INTS2: variants seen among roughly 807,000 people sequenced by gnomAD.
The protein encoded by INTS2 is KIAA1287.
Under a neutral mutation model 139.6 loss-of-function variants are expected in INTS2, and 57 were observed. The ratio of observed to expected loss-of-function variants is 0.41; its 90% CI spans 0.33 to 0.51. The LOEUF is 0.51. Ranked by LOEUF, INTS2 falls within the 20% of genes least tolerant of loss-of-function variation. The pLI, the probability that INTS2 is intolerant of heterozygous loss-of-function variation, is 0.28. For synonymous variants in INTS2, 473 were observed against 493.4 expected, an observed-to-expected ratio of 0.96 and a Z score of 0.55; for missense variants, 1,196 against 1,436.7, an observed-to-expected ratio of 0.83 and a Z score of 2.71.
rs1431288053 is a variant in INTS2, at chr17:61,911,997, G to A, written c.723C>T (p.Ala241=). Residue 241 remains alanine, a synonymous_variant, in exon 6 of 25, where the codon GCC becomes GCT. Transcript: ENST00000251334. ...ESLGGRRRTD[A]LRFLCKMNPS... is the part of the protein sequence containing the mutation. ...GATTCATTTTACACAAGAAGCGTAA[G>A]GCATCTGTCCTGCGCCTTCCTCCAA... 4 of 1,613,810 alleles carry A rather than the reference G, an allele frequency of 2.5e-6. No individual in the cohort carries two copies. Among genetic ancestry groups the A allele is most frequent in the Non-Finnish European group, 3.4e-6 (4 of 1,179,802 alleles).
Position 61,924,546 on chromosome 17 carries a change from C to T in INTS2, c.432+415G>A, listed in dbSNP as rs58085921. 0.03 allele frequency among the ~76,000 whole-genome samples: 4,502 copies of T among 152,260 alleles called. 702 individuals carry two copies. The East Asian group carries it at 0.5, about 17-fold the overall frequency. ...AAATAAAAGTAGAGAAGGCCGGGCACGGTGACCCATGCCTGTAATCCCAAC... is the reference window on the plus strand; with the variant it reads ...AAATAAAAGTAGAGAAGGCCGGGCATGGTGACCCATGCCTGTAATCCCAAC... On this transcript the variant is annotated intron_variant, in intron 3 of 24. Transcript: ENST00000251334.
intron 5 of INTS2, among the ~76,000 whole-genome samples, chr17:61,914,517 G>A (rs2079558165): frequency 6.6e-6 from 1 of 152,102 alleles, no homozygotes; most frequent in African/African-American, 2.4e-5. Context: ...GGCTAACACG[G>A]TGAAACCGTG....
At position 61,875,051 on chromosome 17, in the gene INTS2, TA is replaced by T; in HGVS notation, c.2457-14del. ...CATTACCCATAGCCTGATAAGAAAA[TA>T]ATCACATGTTCAAAACAGTTTTTTA... On this transcript the variant is annotated splice_polypyrimidine_tract_variant and intron_variant, in intron 18 of 24. Transcript: ENST00000251334. The surrounding 1 kb of genome is among the most constrained non-coding windows in gnomAD (Gnocchi z 4.6). 1.3e-6 allele frequency: 2 copies of T among 1,568,084 alleles called. No individual in the cohort carries two copies. Among genetic ancestry groups the T allele is most frequent in the Non-Finnish European group, 1.7e-6 (2 of 1,157,010 alleles).
intron 3 of INTS2, 60 bp downstream of exon 3, chr17:61,924,901 C>T: frequency 6.6e-7 from 1 of 1,524,956 alleles, no homozygotes; most frequent in African/African-American, 1.4e-5. Flanking sequence ...TTTCTGTCTA[C>T]CTCCCTATAC....
Position 61,869,406 on chromosome 17 carries a change from A to G in INTS2, c.3031-26T>C. The G allele has an allele frequency of 2.2e-6, 3 of 1,388,946 alleles. No individual in the cohort carries two copies. The highest frequency in any genetic ancestry group is 3.0e-6 in the Non-Finnish European group (3 of 1,001,552). 86.0% of individuals were successfully genotyped at this position (1,388,946 alleles called of 1,614,324 possible). ...CTATCTCAACAAGAAACGGGAAAAA[A>G]GTCAGAAATAAAATAACTATAAAAG... On this transcript the variant is annotated intron_variant, in intron 21 of 24. Transcript: ENST00000251334. The surrounding 1 kb of genome is among the most constrained non-coding windows in gnomAD (Gnocchi z 5.4).
chr17:61,873,748 G>A lies in INTS2; in HGVS notation c.2582+1165C>T, dbSNP rs1323274855. Among the ~76,000 whole-genome samples, 2 of 152,140 alleles carry A rather than the reference G, an allele frequency of 1.3e-5. No homozygotes were observed. Among genetic ancestry groups the A allele is most frequent in the Non-Finnish European group, 2.9e-5 (2 of 68,002 alleles). On this transcript the variant is annotated intron_variant, in intron 19 of 24. Coordinates refer to ENST00000251334, the MANE Select transcript of INTS2 (RefSeq NM_001351695.2). This position sits in a 1 kb window ranked among gnomAD's most constrained non-coding sequence, Gnocchi z 4.0. ...GAATGTCATCCCTTGGTTGATGACAGACAAGTTTAAATATCAAGTGTGTCC... is the reference window on the plus strand; with the variant it reads ...GAATGTCATCCCTTGGTTGATGACAAACAAGTTTAAATATCAAGTGTGTCC...
At chr17:61,884,187 A>G (rs1370325774) in intron 16 of INTS2, among the ~76,000 whole-genome samples, 1 of 152,090 alleles carries the variant, frequency 6.6e-6, no homozygotes, top group Admixed American at 6.6e-5. Context: ...GAAAAAAAAC[A>G]AGCCTTAGAT....
In INTS2 at chr17:61,889,774, C is replaced by T. The variant is rs374842920; in HGVS notation, c.1984+12G>A. ...AACTACCACTAGAACCACTCCTCTA[C>T]GTACAACTTACCTAAAGTCTTCGTG... On this transcript the variant is annotated intron_variant, in intron 15 of 24. Coordinates refer to ENST00000251334, the MANE Select transcript of INTS2 (RefSeq NM_001351695.2). 88 of 1,373,136 alleles carry T rather than the reference C, an allele frequency of 6.4e-5. No homozygotes were observed. In the African/African-American group the frequency reaches 7.6e-4, roughly 12 times the overall value. The allele number at this position is 1,373,136 out of a possible 1,614,324, so 85.1% of individuals were successfully genotyped here.
chr17:61,889,181 G>C (rs2079263706), intron 15 of INTS2, among the ~76,000 whole-genome samples: 1 of 151,508 alleles, frequency 6.6e-6, no homozygotes, highest in African/African-American at 2.4e-5. Flanking sequence ...TCCGCCTCTG[G>C]GTTCAAGGGA....
rs1304168010 is a variant in INTS2 at position 61,868,194 on chromosome 17, C to T, written c.3245-185G>A. ...TTTATCCAAGATACAAATTATTATG[C>T]ACAAGTTTTGCAATAAGTACATTAC... On this transcript the variant is annotated intron_variant, in intron 23 of 24. Coordinates refer to ENST00000251334, the MANE Select transcript of INTS2 (RefSeq NM_001351695.2). The surrounding 1 kb of genome is among the most constrained non-coding windows in gnomAD (Gnocchi z 4.7). Among the ~76,000 whole-genome samples the T allele has an allele frequency of 6.6e-6, 1 of 152,054 alleles. No homozygotes were observed. Among genetic ancestry groups the T allele is most frequent in the Non-Finnish European group, 1.5e-5 (1 of 67,998 alleles).
At chr17:61,921,943 C>A (rs2079646142) in intron 3 of INTS2, 116 bp from the exon 4 acceptor site, 2 of 574,654 alleles carry the variant, frequency 3.5e-6, no homozygotes, top group Non-Finnish European at 6.2e-6. Context: ...CACTAATATA[C>A]CACAGCAGAA....
At chr17:61,895,476 A>G (rs2079337912) in intron 11 of INTS2, 93 bp from the exon 12 acceptor site, 2 of 641,474 alleles carry the variant, frequency 3.1e-6, no homozygotes, top group Admixed American at 3.8e-5. Context: ...TGATACACAT[A>G]AATGTTCAAA....
intron 7 of INTS2, among the ~76,000 whole-genome samples, chr17:61,908,266 T>A (rs533570515): frequency 2.0e-5 from 3 of 152,002 alleles, no homozygotes; most frequent in African/African-American, 7.3e-5. Context: ...AATATAAAAA[T>A]TAGCTGGGTG....
chr17:61,905,054 C>T (rs2079447043), intron 8 of INTS2, among the ~76,000 whole-genome samples: 1 of 151,364 alleles, frequency 6.6e-6, no homozygotes, highest in Non-Finnish European at 1.5e-5. Flanking sequence ...TCAGGTAATC[C>T]TCCCACGTCA....
intron 9 of INTS2, among the ~76,000 whole-genome samples, chr17:61,900,068 T>C (rs2079389343): frequency 6.6e-6 from 1 of 152,048 alleles, no homozygotes; most frequent in African/African-American, 2.4e-5. Context: ...TTAAAAGGCA[T>C]AAACGCATAA....
At chr17:61,892,583 G>A (rs9908729) in intron 13 of INTS2, among the ~76,000 whole-genome samples, 4,739 of 152,160 alleles carry the variant, frequency 0.031, 241 homozygotes, top group African/African-American at 0.11. Flanking sequence ...CTTGAGACCA[G>A]GAGTTCAAGA....
At chr17:61,887,270 G>A (rs2079238155) in intron 15 of INTS2, among the ~76,000 whole-genome samples, 1 of 151,930 alleles carries the variant, frequency 6.6e-6, no homozygotes, top group Non-Finnish European at 1.5e-5. Flanking sequence ...ATGACTTGAG[G>A]TCAGAAGGTC....
chr17:61,923,795 G>A (rs543656054), intron 3 of INTS2, among the ~76,000 whole-genome samples: 1 of 152,070 alleles, frequency 6.6e-6, no homozygotes, highest in Admixed American at 6.6e-5. Flanking sequence ...TTCTTTTACA[G>A]GCATGCACCA....
rs1161895147 is a variant in INTS2, at chr17:61,897,614, T to C, written c.1380-31A>G. The C allele has an allele frequency of 1.3e-6, 2 of 1,583,622 alleles. No individual in the cohort carries two copies. Among genetic ancestry groups the C allele is most frequent in the South Asian group, 1.1e-5 (1 of 87,190 alleles). ...AAAACAAAATAGGAAATATGAATTTTCCAAAGAGAGAAGAAGAAAAGCTTT... is the reference window on the plus strand; with the variant it reads ...AAAACAAAATAGGAAATATGAATTTCCCAAAGAGAGAAGAAGAAAAGCTTT... On this transcript the variant is annotated intron_variant, in intron 10 of 24. Coordinates refer to ENST00000251334, the MANE Select transcript of INTS2 (RefSeq NM_001351695.2). The surrounding 1 kb of genome is among the most constrained non-coding windows in gnomAD (Gnocchi z 4.4).
Sources: allele counts gnomAD v4.1 joint callset (sites outside exome capture counted in the v4.1 genomes callset), GRCh38; gene constraint gnomAD v4.1.1; non-coding constraint Gnocchi (gnomAD v3.1); transcripts MANE v1.5; gene names NCBI Gene and HGNC (gene_info 2026-07-23, HGNC 2026-07-21).